Variants in ITGBL1 observed in about 807,000 individuals in gnomAD.
The protein encoded by ITGBL1 is integrin beta-like protein 1.
ITGBL1 carries 51 observed loss-of-function variants against 68.5 expected under a neutral mutation model. The ratio of observed to expected loss-of-function variants is 0.74; its 90% CI spans 0.59 to 0.94. ITGBL1 has a LOEUF of 0.94. Ranked by LOEUF, ITGBL1 falls within the 40% of genes least tolerant of loss-of-function variation. The probability of loss-of-function intolerance (pLI) is 0.00; values close to 1 mark genes in which losing one functional copy is unlikely to be tolerated. For synonymous variants in ITGBL1, 209 were observed against 227.3 expected (o/e 0.92, Z 0.72); for missense variants, 649 against 647.4 (o/e 1.00, Z -0.03).
intron 2 of ITGBL1, among the ~76,000 whole-genome samples, chr13:101,493,461 C>A (rs1180616101): frequency 1.3e-5 from 2 of 152,178 alleles, no homozygotes; most frequent in East Asian, 3.9e-4. Flanking sequence ...ATTAAAATTA[C>A]ATTTTGCACT....
chr13:101,613,397 G>A (rs978695320), intron 7 of ITGBL1, among the ~76,000 whole-genome samples: 7 of 152,236 alleles, frequency 4.6e-5, no homozygotes, highest in South Asian at 2.1e-4. Context: ...ACAAGGCAAC[G>A]GATGTCATAG....
intron 7 of ITGBL1, among the ~76,000 whole-genome samples, chr13:101,664,711 T>C (rs1594964957): frequency 6.6e-6 from 1 of 152,136 alleles, no homozygotes; most frequent in South Asian, 2.1e-4. Flanking sequence ...TGTCTGATCT[T>C]GTACTAGCAA....
At chr13:101,598,597 C>T (rs2030143328) in intron 7 of ITGBL1, among the ~76,000 whole-genome samples, 1 of 152,118 alleles carries the variant, frequency 6.6e-6, no homozygotes, top group African/African-American at 2.4e-5. Context: ...GCCCCCACCA[C>T]ACAACAGTCC....
Position 101,471,540 on chromosome 13 carries a change from G to A in ITGBL1, c.316+17440G>A, listed in dbSNP as rs1410269987. ...TGTGTGTGTGTGTATGTATGTGTGT[G>A]TGTGTGTGTGTGTGTGTGTGTGTGT... On this transcript the variant is annotated intron_variant, in intron 2 of 10. Transcript: ENST00000376180. Among the ~76,000 whole-genome samples, 231 of 83,640 alleles carry A rather than the reference G, an allele frequency of 2.8e-3. 1 individual carries two copies. The highest frequency in any genetic ancestry group is 7.5e-3 in the African/African-American group (184 of 24,446). The allele number at this position is 83,640 out of a possible 152,430, so 54.9% of individuals were successfully genotyped here. A position where few individuals can be genotyped will look rare whatever the true frequency, so the allele number is the denominator to read the frequency against.
At chr13:101,509,313 TCCTGCCATGACA>T (rs1187048900) in intron 2 of ITGBL1, among the ~76,000 whole-genome samples, 1 of 152,138 alleles carries the variant, frequency 6.6e-6, no homozygotes, top group Non-Finnish European at 1.5e-5. Context: ...CTCACTAGGT[TCCTGCCATGACA>T]CCTGGGAATT....
At position 101,573,319 on chromosome 13, in the gene ITGBL1, C is replaced by A. The variant is rs528987081; in HGVS notation, c.464-2105C>A. Among the ~76,000 whole-genome samples the A allele has an allele frequency of 7.9e-5, 12 of 152,230 alleles. No individual in the cohort carries two copies. The South Asian group carries it at 2.5e-3, about 32-fold the overall frequency. ...AATGAAGTTTAATGACAGGAAAATT[C>A]ACATGAGTATTTGCAAGATAGAAAA... On this transcript the variant is annotated intron_variant, in intron 3 of 10. Coordinates refer to ENST00000376180, the MANE Select transcript of ITGBL1 (RefSeq NM_004791.3).
At chr13:101,483,427 T>C (rs1315316251) in intron 2 of ITGBL1, among the ~76,000 whole-genome samples, 1 of 152,220 alleles carries the variant, frequency 6.6e-6, no homozygotes, top group African/African-American at 2.4e-5. Flanking sequence ...TTCAGTTGTT[T>C]CAGAAGACAA....
Position 101,660,633 on chromosome 13 carries a change from T to C in ITGBL1, c.1016-31952T>C, listed in dbSNP as rs929728870. Reference sequence around the variant, plus strand: ...TTAGTTTTACAAGGGCAGTTTACTTTTGGGGAAGGGCTATTATCATTTAAA... The same window carrying C: ...TTAGTTTTACAAGGGCAGTTTACTTCTGGGGAAGGGCTATTATCATTTAAA... On this transcript the variant is annotated intron_variant, in intron 7 of 10. Transcript: ENST00000376180. Among the ~76,000 whole-genome samples, 3 of 152,180 alleles carry C rather than the reference T, an allele frequency of 2.0e-5. No homozygotes were observed. In the South Asian group the frequency reaches 6.2e-4, roughly 32 times the overall value.
intron 2 of ITGBL1, among the ~76,000 whole-genome samples, chr13:101,521,628 C>T (rs1044261258): frequency 2.6e-5 from 4 of 151,930 alleles, no homozygotes; most frequent in African/African-American, 7.3e-5. Flanking sequence ...CGAACCAGCT[C>T]GAAGACCTGG....
At chr13:101,714,850 G>T (rs1323853186) in intron 10 of ITGBL1, 2 of 330,914 alleles carry the variant, frequency 6.0e-6, no homozygotes, top group African/African-American at 2.1e-5. Context: ...ACACAGAAAA[G>T]AATTTTGTTG....
At chr13:101,577,484 TG>T (rs1436292485) in intron 4 of ITGBL1, among the ~76,000 whole-genome samples, 1 of 152,224 alleles carries the variant, frequency 6.6e-6, no homozygotes, top group Non-Finnish European at 1.5e-5. Flanking sequence ...ACATAATTTT[TG>T]CTTCCTTATT....
chr13:101,572,891 G>T (rs2050296418), intron 3 of ITGBL1, among the ~76,000 whole-genome samples: 1 of 151,848 alleles, frequency 6.6e-6, no homozygotes, highest in Non-Finnish European at 1.5e-5. Context: ...TATATGAGAG[G>T]CCCATATTAT....
At chr13:101,455,152 A>G (rs182419574) in intron 2 of ITGBL1, among the ~76,000 whole-genome samples, 49 of 152,312 alleles carry the variant, frequency 3.2e-4, no homozygotes, top group Non-Finnish European at 5.7e-4. Flanking sequence ...TTTACCCTCA[A>G]TGTAGCTAAG....
At chr13:101,642,407 G>C (rs999187643) in intron 7 of ITGBL1, among the ~76,000 whole-genome samples, 28 of 152,236 alleles carry the variant, frequency 1.8e-4, no homozygotes, top group African/African-American at 6.7e-4. Flanking sequence ...TGTTGATGGG[G>C]TTGTTTGTTT....
At chr13:101,699,427 C>T (rs1043256664) in intron 8 of ITGBL1, among the ~76,000 whole-genome samples, 3 of 152,108 alleles carry the variant, frequency 2.0e-5, no homozygotes, top group Non-Finnish European at 4.4e-5. Context: ...CTATAATCCC[C>T]AAGTGTCGTG....
intron 2 of ITGBL1, among the ~76,000 whole-genome samples, chr13:101,488,332 ACTCT>A (rs559146090): frequency 1.2e-4 from 19 of 152,216 alleles, no homozygotes; most frequent in Non-Finnish European, 2.8e-4. Flanking sequence ...CATTTAACTG[ACTCT>A]CTATAATGGC....
intron 2 of ITGBL1, among the ~76,000 whole-genome samples, chr13:101,557,185 T>A (rs2050021426): frequency 6.6e-6 from 1 of 152,184 alleles, no homozygotes; most frequent in Non-Finnish European, 1.5e-5. Context: ...CACTGTCAGA[T>A]GAAGAATATT....
intron 2 of ITGBL1, among the ~76,000 whole-genome samples, chr13:101,466,632 C>T (rs574637407): frequency 3.4e-4 from 52 of 152,234 alleles, no homozygotes; most frequent in African/African-American, 1.2e-3. Context: ...CATGATTTCA[C>T]GTGTTTTCTT....
At position 101,692,682 on chromosome 13, in the gene ITGBL1, C is replaced by G. The variant is rs767166554; in HGVS notation, c.1113C>G (p.Leu371=). 3.1e-6 allele frequency: 5 copies of G among 1,612,548 alleles called. No homozygotes were observed. In the South Asian group the frequency reaches 5.5e-5, roughly 18 times the overall value. ...GTGATGATCGCCGCTGTGAAGACCT[C>G]GATGGTGTGGTCTGTGGAGGTAGTA... ...CECDDRRCED[L]DGVVCGGHGT... is the part of the protein sequence containing the mutation. Residue 371 remains leucine (L), a synonymous_variant, in exon 8 of 11, where the codon CTC becomes CTG. Transcript: ENST00000376180.
Sources: gnomAD v4.1 joint callset for allele counts (sites outside exome capture counted in the v4.1 genomes callset) on GRCh38, gnomAD v4.1.1 for gene constraint, MANE v1.5 for transcripts, NCBI Gene and HGNC (gene_info 2026-07-23, HGNC 2026-07-21) for gene names.